Variants in PALD1 observed in about 807,000 individuals in gnomAD.
PALD1 encodes paladin.
PALD1 carries 57 observed loss-of-function variants against 96.0 expected under a neutral mutation model. That is an observed-to-expected ratio of 0.59 (90% CI 0.48 to 0.74). The LOEUF (loss-of-function observed/expected upper bound fraction) is 0.74, where lower values mean the gene tolerates loss of function less well. Ranked by LOEUF, PALD1 falls within the 30% of genes least tolerant of loss-of-function variation. The pLI is 0.00. For missense variants in PALD1, 1,063 were observed against 1,143.7 expected (o/e 0.93, Z 1.02); for synonymous variants, 464 against 473.6 (o/e 0.98, Z 0.26).
chr10:70,541,098 C>T lies in PALD1; in HGVS notation c.1909-4C>T, dbSNP rs772852186. 1.9e-6 allele frequency: 3 copies of T among 1,595,134 alleles called. No homozygotes were observed. The highest frequency in any genetic ancestry group is 2.3e-5 in the South Asian group (2 of 88,394). ...CTGACCCAGACCTTGCTTTTCTCGT[C>T]CAGGACTTTGACCAGCTGCTGGAGG... On this transcript the variant is annotated splice_region_variant and splice_polypyrimidine_tract_variant and intron_variant, in intron 15 of 19. Coordinates refer to ENST00000263563, the MANE Select transcript of PALD1 (RefSeq NM_014431.3).
intron 18 of PALD1, among the ~76,000 whole-genome samples, chr10:70,561,442 G>A (rs1473409578): frequency 6.6e-6 from 1 of 152,220 alleles, no homozygotes; most frequent in Non-Finnish European, 1.5e-5. Context: ...CCTAAGGGGT[G>A]GGGTGGAGAG....
chr10:70,507,669 G>C (rs1846417777), intron 1 of PALD1, among the ~76,000 whole-genome samples: 1 of 152,070 alleles, frequency 6.6e-6, no homozygotes, highest in Non-Finnish European at 1.5e-5. Context: ...CTATCCGCCA[G>C]CCTTGGCTTC....
chr10:70,504,650 T>C (rs919322844), intron 1 of PALD1, among the ~76,000 whole-genome samples: 4 of 152,232 alleles, frequency 2.6e-5, no homozygotes, highest in Non-Finnish European at 5.9e-5. Context: ...AAAAATTGAA[T>C]AGGAAGCGTG....
chr10:70,480,867 G>A (rs986648595), intron 1 of PALD1, among the ~76,000 whole-genome samples: 29 of 152,328 alleles, frequency 1.9e-4, no homozygotes, highest in African/African-American at 6.7e-4. Flanking sequence ...ATCTGTGTGG[G>A]CAGAGACGTA....
intron 1 of PALD1, among the ~76,000 whole-genome samples, chr10:70,507,783 G>GTGTGTC (rs1846423360): frequency 7.4e-6 from 1 of 135,748 alleles, no homozygotes; most frequent in African/African-American, 2.6e-5. Flanking sequence ...GTGTGTGTGT[G>GTGTGTC]TGTGTGTGGT....
intron 7 of PALD1, 84 bp from the exon 8 acceptor site, chr10:70,533,838 T>C: frequency 7.7e-7 from 1 of 1,295,788 alleles, no homozygotes; most frequent in South Asian, 1.6e-5. Flanking sequence ...CAGGGTGGGC[T>C]GATGTCATGC....
chr10:70,563,154 A>G (rs919210529), intron 18 of PALD1, among the ~76,000 whole-genome samples: 1 of 152,154 alleles, frequency 6.6e-6, no homozygotes, highest in African/African-American at 2.4e-5. Context: ...AAAGTTCCTC[A>G]TGTTTCTCAT....
chr10:70,542,097 C>T (rs1197538921), intron 17 of PALD1, among the ~76,000 whole-genome samples: 11 of 152,110 alleles, frequency 7.2e-5, no homozygotes, highest in Non-Finnish European at 1.3e-4. Flanking sequence ...ACAGTTGGCT[C>T]GTGTCTTACT....
rs747831957 is a variant in PALD1, at chr10:70,539,231, C to T, written c.1709C>T (p.Ala570Val). Residue 570 changes from alanine to valine, a missense_variant, in exon 14 of 20, where the codon GCT (alanine) becomes GTT (valine). Ala to Val is a moderately conservative substitution (Grantham distance 64). Transcript: ENST00000263563. This position sits in a 1 kb window ranked among gnomAD's most constrained non-coding sequence, Gnocchi z 4.5. ...YSLRWPGPPV[A>V]PDQLETLEAQ... is the part of the protein sequence containing the mutation. Reference sequence around the variant, plus strand: ...CTGCGGTGGCCTGGGCCCCCTGTGGCTCCTGACCAGCTGGAGGTGAGGCCC... The same window carrying T: ...CTGCGGTGGCCTGGGCCCCCTGTGGTTCCTGACCAGCTGGAGGTGAGGCCC... 1.9e-6 allele frequency: 3 copies of T among 1,610,558 alleles called. No individual in the cohort carries two copies. Among genetic ancestry groups the T allele is most frequent in the Non-Finnish European group, 2.5e-6 (3 of 1,178,734 alleles).
At chr10:70,478,251 G>A (rs926402246), upstream of PALD1, among the ~76,000 whole-genome samples, 2 of 152,214 alleles carry the variant, frequency 1.3e-5, no homozygotes, top group African/African-American at 4.8e-5. Context: ...CCTTCGACAC[G>A]TGGGAGGCAA....
chr10:70,460,449 G>A, the PALD1 span, among the ~76,000 whole-genome samples: 5 of 152,078 alleles, frequency 3.3e-5, no homozygotes, highest in Admixed American at 1.3e-4. Context: ...ACTCCTCTGC[G>A]CCTTCTCCAG....
chr10:70,556,279 C>CCTCCCTCTCTCCCCCT (rs527928462), intron 18 of PALD1, among the ~76,000 whole-genome samples: 1 of 128,650 alleles, frequency 7.8e-6, no homozygotes, highest in Non-Finnish European at 1.7e-5. Context: ...GTAGCCGAGA[C>CCTCCCTCTCTCCCCCT]CTCTCTCTCT....
chr10:70,460,239 CTCT>C, the PALD1 span, among the ~76,000 whole-genome samples: 2 of 152,142 alleles, frequency 1.3e-5, no homozygotes, highest in African/African-American at 4.8e-5. Context: ...GCTTCGACTT[CTCT>C]TCTCCCCTGC....
chr10:70,514,554 C>G (rs1287634603), intron 1 of PALD1, among the ~76,000 whole-genome samples: 1 of 152,010 alleles, frequency 6.6e-6, no homozygotes, highest in Non-Finnish European at 1.5e-5. Flanking sequence ...GTGGGACCCC[C>G]AAGAGATGAA....
At chr10:70,503,365 A>G (rs1432065446) in intron 1 of PALD1, among the ~76,000 whole-genome samples, 1 of 152,114 alleles carries the variant, frequency 6.6e-6, no homozygotes, top group Non-Finnish European at 1.5e-5. Context: ...GCCGGGCACA[A>G]TGGCTCATGC....
chr10:70,557,506 A>G (rs1009953895), intron 18 of PALD1, among the ~76,000 whole-genome samples: 3 of 152,214 alleles, frequency 2.0e-5, no homozygotes, highest in Non-Finnish European at 4.4e-5. Context: ...ATTACTTAAC[A>G]AAATATGATG....
At chr10:70,543,905 A>G (rs545501295) in intron 17 of PALD1, among the ~76,000 whole-genome samples, 1 of 152,226 alleles carries the variant, frequency 6.6e-6, no homozygotes, top group African/African-American at 2.4e-5. Flanking sequence ...TTATTACCCT[A>G]GGGCCACATC....
chr10:70,494,663 A>G (rs1354330261), intron 1 of PALD1, among the ~76,000 whole-genome samples: 1 of 152,184 alleles, frequency 6.6e-6, no homozygotes, highest in African/African-American at 2.4e-5. Flanking sequence ...CACGGAAAGG[A>G]TGGTAAGAGC....
the PALD1 span, among the ~76,000 whole-genome samples, chr10:70,460,130 TTCCGCCG>T: frequency 6.6e-6 from 1 of 152,302 alleles, no homozygotes; most frequent in South Asian, 2.1e-4. Context: ...TAAGCTTCCC[TTCCGCCG>T]TCTGGGCCCC....
Sources: gnomAD v4.1 joint callset for allele counts (sites outside exome capture counted in the v4.1 genomes callset) on GRCh38, gnomAD v4.1.1 for gene constraint, Gnocchi (gnomAD v3.1) non-coding constraint, MANE v1.5 for transcripts, NCBI Gene and HGNC (gene_info 2026-07-23, HGNC 2026-07-21) for gene names.